Variants in GAS2L3 observed in about 807,000 individuals in gnomAD.
The protein encoded by GAS2L3 is GAS2-like protein 3.
GAS2L3 carries 28 observed loss-of-function variants against 37.0 expected under a neutral mutation model. That is an observed-to-expected ratio of 0.76 (90% confidence interval 0.56 to 1.04). The LOEUF (loss-of-function observed/expected upper bound fraction) is 1.04, where lower values mean the gene tolerates loss of function less well. GAS2L3 is among the 50% of genes least tolerant of loss of function. GAS2L3 has a pLI of 0.00. For synonymous variants in GAS2L3, 290 were observed against 296.6 expected, an observed-to-expected ratio of 0.98 and a Z score of 0.23; for missense variants, 793 against 817.6, an observed-to-expected ratio of 0.97 and a Z score of 0.37.
chr12:100,617,998 A>G (rs1249719103), intron 7 of GAS2L3, among the ~76,000 whole-genome samples, 191 bp downstream of exon 7: 3 of 152,190 alleles, frequency 2.0e-5, no homozygotes, highest in Non-Finnish European at 4.4e-5. Context: ...AGTTCTCAAT[A>G]TAGCTTGTCT....
chr12:100,586,945 C>T (rs1375336520), intron 1 of GAS2L3, among the ~76,000 whole-genome samples: 4 of 152,134 alleles, frequency 2.6e-5, no homozygotes, highest in African/African-American at 7.2e-5. Context: ...CTACTATGAA[C>T]ACCTCTATGC....
At position 100,579,886 on chromosome 12, in the gene GAS2L3, A is replaced by G. The variant is rs537897746; in HGVS notation, c.-152+6101A>G. ...CCAGAAAATATCCGTAACATAGTAAAGACTTTCCACACCTGAAGGAATGTT... is the reference window on the plus strand; with the variant it reads ...CCAGAAAATATCCGTAACATAGTAAGGACTTTCCACACCTGAAGGAATGTT... On this transcript the variant is annotated intron_variant, in intron 1 of 9. Transcript: ENST00000547754. The G allele has an allele frequency of 4.8e-4, 360 of 754,314 alleles. 5 individuals are homozygous for G. In the South Asian group the frequency reaches 5.0e-3, roughly 11 times the overall value. The allele number at this position is 754,314 out of a possible 1,614,324, so 46.7% of individuals were successfully genotyped here.
chr12:100,619,224 C>T (rs907933725), intron 8 of GAS2L3, among the ~76,000 whole-genome samples: 5 of 151,638 alleles, frequency 3.3e-5, no homozygotes, highest in Admixed American at 2.6e-4. Context: ...TTCTCTCCTC[C>T]AGAATATATC....
At chr12:100,618,869 T>C (rs141455935) in intron 8 of GAS2L3, among the ~76,000 whole-genome samples, 2 of 152,126 alleles carry the variant, frequency 1.3e-5, no homozygotes, top group African/African-American at 4.8e-5. Flanking sequence ...CAAGAATTCA[T>C]TGATTCTTTT....
intron 1 of GAS2L3, chr12:100,578,707 G>T: frequency 2.3e-6 from 1 of 427,736 alleles, no homozygotes; most frequent in South Asian, 3.9e-5. Flanking sequence ...TCTCTTAACT[G>T]GGTTGCTCTA....
chr12:100,586,567 G>T (rs1955783960), intron 1 of GAS2L3, among the ~76,000 whole-genome samples: 1 of 152,112 alleles, frequency 6.6e-6, no homozygotes, highest in Non-Finnish European at 1.5e-5. Flanking sequence ...AAACCTCTAG[G>T]ATACAGCAAA....
chr12:100,611,531 G>A (rs1344486896), intron 5 of GAS2L3, among the ~76,000 whole-genome samples: 1 of 152,062 alleles, frequency 6.6e-6, no homozygotes, highest in Non-Finnish European at 1.5e-5. Context: ...TTGGCACCAG[G>A]TACCAGTTTC....
At chr12:100,586,766 A>C (rs1357382661) in intron 1 of GAS2L3, among the ~76,000 whole-genome samples, 1 of 152,224 alleles carries the variant, frequency 6.6e-6, no homozygotes, top group Admixed American at 6.5e-5. Flanking sequence ...AAAAAAATAC[A>C]AAAGATAAAT....
At chr12:100,609,266 T>C (rs1406782638) in intron 5 of GAS2L3, among the ~76,000 whole-genome samples, 1 of 152,182 alleles carries the variant, frequency 6.6e-6, no homozygotes, top group East Asian at 1.9e-4. Context: ...ACTGGGAATA[T>C]ATTCAGTCCC....
intron 3 of GAS2L3, among the ~76,000 whole-genome samples, chr12:100,597,189 A>G (rs934234594): frequency 6.6e-6 from 1 of 152,036 alleles, no homozygotes; most frequent in Admixed American, 6.6e-5. Flanking sequence ...CTTGACAAAC[A>G]TTTACATCTG....
At chr12:100,615,637 T>G (rs1029471893) in intron 6 of GAS2L3, among the ~76,000 whole-genome samples, 1 of 152,202 alleles carries the variant, frequency 6.6e-6, no homozygotes, top group East Asian at 1.9e-4. Flanking sequence ...TACTTTTAGG[T>G]CATTGATCTA....
rs1484098644 is a variant in GAS2L3 at position 100,627,888 on chromosome 12, A to T, written c.*2998A>T. On this transcript the variant is annotated 3_prime_UTR_variant, in exon 10 of 10. Coordinates refer to ENST00000547754, the MANE Select transcript of GAS2L3 (RefSeq NM_174942.3). ...ATTTTATTTTCTATAATTTGTTAAC[A>T]TGATATGTAAAATTAAACTTCGGAG... is the stretch of plus-strand genomic sequence containing the variant. The T allele has an allele frequency of 1.3e-5, 2 of 152,250 alleles. No homozygotes were observed. Among genetic ancestry groups the T allele is most frequent in the African/African-American group, 4.8e-5 (2 of 41,472 alleles). 9.4% of individuals were successfully genotyped at this position (152,250 alleles called of 1,614,324 possible).
Position 100,624,024 on chromosome 12 carries a change from G to A in GAS2L3, c.1219G>A (p.Ala407Thr). The change falls in exon 10 of 10, where the codon GCT becomes ACT. Residue 407 changes from alanine to threonine, a missense_variant. By Grantham distance (58) the Ala-to-Thr change is moderately conservative. Transcript: ENST00000547754. Reference sequence around the variant, plus strand: ...TTCAAACAATGCATCATCTTCACTTGCTTCATTAAATCCAGTAGGTAAAAA... The same window carrying A: ...TTCAAACAATGCATCATCTTCACTTACTTCATTAAATCCAGTAGGTAAAAA... ...APSNNASSSL[A>T]SLNPVGKNTS... is the part of the protein sequence containing the mutation. 1 of 1,613,898 alleles carries A rather than the reference G, an allele frequency of 6.2e-7. No individual in the cohort carries two copies. Among genetic ancestry groups the A allele is most frequent in the Non-Finnish European group, 8.5e-7 (1 of 1,179,962 alleles).
At chr12:100,622,767 A>G (rs1441569169) in intron 9 of GAS2L3, among the ~76,000 whole-genome samples, 14 of 144,772 alleles carry the variant, frequency 9.7e-5, no homozygotes, top group African/African-American at 3.1e-4. Context: ...AAAAAAAAAA[A>G]AAAAAAAAAA....
chr12:100,586,635 A>T (rs778907137), intron 1 of GAS2L3, among the ~76,000 whole-genome samples: 1 of 152,196 alleles, frequency 6.6e-6, no homozygotes, highest in African/African-American at 2.4e-5. Context: ...AGACTGAAAG[A>T]GCACAAACTA....
chr12:100,624,520 T>C lies in GAS2L3; in HGVS notation c.1715T>C (p.Val572Ala), dbSNP rs1233972357. ...GTTTCTGTGTCCTCAGTTTCTCCTG[T>C]AAAAGCCACACAGAAATCAAAAGAT... ...QPVSVSSVSPVKATQKSKDKN... is the reference protein window; with the variant it reads ...QPVSVSSVSPAKATQKSKDKN... Residue 572 changes from valine to alanine, a missense_variant, in exon 10 of 10, where the codon GTA (valine) becomes GCA (alanine). By Grantham distance (64) the Val-to-Ala change is moderately conservative. Coordinates refer to ENST00000547754, the MANE Select transcript of GAS2L3 (RefSeq NM_174942.3). 1.4e-5 allele frequency: 22 copies of C among 1,613,918 alleles called. No homozygotes were observed. Among genetic ancestry groups the C allele is most frequent in the Non-Finnish European group, 1.8e-5 (21 of 1,180,024 alleles).
intron 6 of GAS2L3, among the ~76,000 whole-genome samples, chr12:100,616,498 C>T (rs575394111): frequency 3.4e-4 from 52 of 151,950 alleles, no homozygotes; most frequent in African/African-American, 1.1e-3. Flanking sequence ...TATAATGGCA[C>T]GATAATAGCT....
At chr12:100,598,540 C>T (rs1396711039) in intron 3 of GAS2L3, among the ~76,000 whole-genome samples, 2 of 152,154 alleles carry the variant, frequency 1.3e-5, no homozygotes, top group Non-Finnish European at 2.9e-5. Flanking sequence ...GGTTTCTGAA[C>T]TGTAAAATTA....
At chr12:100,614,557 T>G (rs1324313434) in intron 6 of GAS2L3, among the ~76,000 whole-genome samples, 2 of 152,224 alleles carry the variant, frequency 1.3e-5, no homozygotes, top group Non-Finnish European at 2.9e-5. Flanking sequence ...GTACATAATC[T>G]AAAATTCACA....
Sources: allele counts gnomAD v4.1 joint callset (sites outside exome capture counted in the v4.1 genomes callset), GRCh38; gene constraint gnomAD v4.1.1; transcripts MANE v1.5; gene names NCBI Gene and HGNC (gene_info 2026-07-23, HGNC 2026-07-21).